The following RGS17 variants were observed in gnomAD, a reference collection of about 807,000 sequenced individuals.
The protein encoded by RGS17 is regulator of G protein signaling 17, also known as regulator of G-protein signaling 17.
A neutral mutation model predicts 25.5 loss-of-function variants in RGS17; 12 were observed. The ratio of observed to expected loss-of-function variants is 0.47; its 90% confidence interval spans 0.30 to 0.76. The LOEUF is 0.76. RGS17 is among the 30% of genes least tolerant of loss of function. The pLI is 0.07. For missense variants in RGS17, 196 were observed against 242.2 expected (o/e 0.81, Z 1.27); for synonymous variants, 71 against 76.9 (o/e 0.92, Z 0.40).
chr6:153,054,009 C>CATATAT (rs1776508282), intron 1 of RGS17, among the ~76,000 whole-genome samples: 1 of 39,242 alleles, frequency 2.5e-5, no homozygotes, highest in Non-Finnish European at 4.7e-5. Flanking sequence ...TACATATATA[C>CATATAT]GTATATATGT....
intron 1 of RGS17, among the ~76,000 whole-genome samples, chr6:153,088,945 A>G (rs1777088458): frequency 6.6e-6 from 1 of 152,044 alleles, no homozygotes. Flanking sequence ...GAAACGAGTA[A>G]TATTTCAACT....
intron 2 of RGS17, among the ~76,000 whole-genome samples, chr6:153,041,420 C>T (rs917007179): frequency 2.0e-5 from 3 of 152,090 alleles, no homozygotes; most frequent in Non-Finnish European, 2.9e-5. Flanking sequence ...ATGCAGCTTC[C>T]GAAAGCTGTT....
intron 1 of RGS17, among the ~76,000 whole-genome samples, chr6:153,062,658 T>C (rs1371981104): frequency 6.6e-6 from 1 of 152,180 alleles, no homozygotes; most frequent in Non-Finnish European, 1.5e-5. Flanking sequence ...CCAGGGTGGC[T>C]ACCAGCTACT....
At chr6:153,057,372 A>G (rs1245715356) in intron 1 of RGS17, among the ~76,000 whole-genome samples, 2 of 152,116 alleles carry the variant, frequency 1.3e-5, no homozygotes, top group East Asian at 1.9e-4. Context: ...TGAAGTCACC[A>G]AATTTTTAGG....
chr6:153,048,165 T>C (rs952170230), intron 1 of RGS17, among the ~76,000 whole-genome samples: 5 of 152,218 alleles, frequency 3.3e-5, no homozygotes, highest in African/African-American at 1.2e-4. Flanking sequence ...AAACTTAACA[T>C]GCTCTAATCT....
intron 1 of RGS17, among the ~76,000 whole-genome samples, chr6:153,046,173 G>C (rs1776381751): frequency 6.6e-6 from 1 of 151,964 alleles, no homozygotes; most frequent in African/African-American, 2.4e-5. Context: ...GAAGGACATA[G>C]CATACCAGAG....
intron 1 of RGS17, among the ~76,000 whole-genome samples, chr6:153,093,607 T>C (rs1011324538): frequency 1.3e-5 from 2 of 152,178 alleles, no homozygotes; most frequent in African/African-American, 2.4e-5. Context: ...CTGGAATACA[T>C]TTCGGGCAAG....
intron 4 of RGS17, 25 bp from the exon 5 acceptor site, chr6:153,011,787 A>G (rs759821108): frequency 4.0e-6 from 6 of 1,498,916 alleles, no homozygotes; most frequent in Non-Finnish European, 4.5e-6. Context: ...GAGCAAATAC[A>G]TTAAATAATA....
chr6:153,120,712 G>A (rs1409075073), intron 1 of RGS17, among the ~76,000 whole-genome samples: 2 of 152,148 alleles, frequency 1.3e-5, no homozygotes, highest in Admixed American at 1.3e-4. Flanking sequence ...GCCAGTATAT[G>A]TCTTCTTTTT....
rs568824391 is a variant in RGS17, at chr6:153,094,455, ATAT to A, written c.-26+36666_-26+36668del. Reference sequence around the variant, plus strand: ...TCATAATAATGTTGATAATTAGATAATATTATAGATAACTTCTCATCCTTGTAC... The same window carrying A: ...TCATAATAATGTTGATAATTAGATAATATAGATAACTTCTCATCCTTGTAC... On this transcript the variant is annotated intron_variant, in intron 1 of 4. Transcript: ENST00000206262. Among the ~76,000 whole-genome samples, 148 of 152,288 alleles carry A rather than the reference ATAT, an allele frequency of 9.7e-4. 1 individual carries two copies. The highest frequency in any genetic ancestry group is 3.3e-3 in the African/African-American group (139 of 41,558).
intron 1 of RGS17, among the ~76,000 whole-genome samples, chr6:153,056,757 G>A (rs1776565569): frequency 6.6e-6 from 1 of 151,582 alleles, no homozygotes; most frequent in Non-Finnish European, 1.5e-5. Flanking sequence ...GTCAATCTTT[G>A]TGCACTGACT....
At position 153,008,929 on chromosome 6, in the gene RGS17, C is replaced by T. The variant is rs1328951879; in HGVS notation, c.*2645G>A. The T allele has an allele frequency of 6.6e-6, 1 of 152,044 alleles. No homozygotes were observed. Among genetic ancestry groups the T allele is most frequent in the Non-Finnish European group, 1.5e-5 (1 of 67,974 alleles). The allele number at this position is 152,044 out of a possible 1,614,324, so 9.4% of individuals were successfully genotyped here. On this transcript the variant is annotated 3_prime_UTR_variant, in exon 5 of 5. Transcript: ENST00000206262. ...CAGACATACTCTTAAATGAGAAACC[C>T]TCCCCTCACCCAAAAATACGAGTTT...
intron 1 of RGS17, among the ~76,000 whole-genome samples, chr6:153,070,607 C>A (rs1379763619): frequency 6.6e-6 from 1 of 150,580 alleles, no homozygotes; most frequent in East Asian, 2.0e-4. Context: ...CTTGGGGGTT[C>A]TAGAATCAAT....
At chr6:153,125,437 T>G (rs1374543119) in intron 1 of RGS17, among the ~76,000 whole-genome samples, 1 of 152,250 alleles carries the variant, frequency 6.6e-6, no homozygotes, top group African/African-American at 2.4e-5. Context: ...AAAATTCAAA[T>G]CCATTTCTAT....
chr6:153,072,804 A>G (rs1372864280), intron 1 of RGS17, among the ~76,000 whole-genome samples: 1 of 151,506 alleles, frequency 6.6e-6, no homozygotes, highest in Non-Finnish European at 1.5e-5. Flanking sequence ...TGGAATCACT[A>G]GAGTTAAATT....
intron 2 of RGS17, among the ~76,000 whole-genome samples, chr6:153,027,101 C>T (rs1226531484): frequency 1.3e-5 from 2 of 151,938 alleles, no homozygotes; most frequent in Non-Finnish European, 1.5e-5. Flanking sequence ...TTGTTTTTGC[C>T]CTTTCACCCC....
At chr6:153,089,117 G>T (rs1167014286) in intron 1 of RGS17, among the ~76,000 whole-genome samples, 10 of 151,282 alleles carry the variant, frequency 6.6e-5, no homozygotes, top group Non-Finnish European at 1.0e-4. Flanking sequence ...TGTCTTTTAG[G>T]GACGCTTCAA....
intron 4 of RGS17, among the ~76,000 whole-genome samples, chr6:153,015,786 G>A (rs576009390): frequency 3.1e-4 from 47 of 151,652 alleles, no homozygotes; most frequent in Non-Finnish European, 1.2e-4. Flanking sequence ...CCTGAGTAGC[G>A]GGGACTACAG....
chr6:153,127,092 C>A (rs1023410135), intron 1 of RGS17, among the ~76,000 whole-genome samples: 3 of 152,136 alleles, frequency 2.0e-5, no homozygotes, highest in African/African-American at 7.2e-5. Context: ...AAGGAGTGCA[C>A]AACCTCAATT....
Sources: allele counts gnomAD v4.1 joint callset (sites outside exome capture counted in the v4.1 genomes callset), GRCh38; gene constraint gnomAD v4.1.1; transcripts MANE v1.5; gene names NCBI Gene and HGNC (gene_info 2026-07-23, HGNC 2026-07-21).